The following LPIN2 variants were observed in gnomAD, a reference collection of about 807,000 sequenced individuals.
LPIN2 encodes the protein phosphatidate phosphatase LPIN2.
In LPIN2, 55 loss-of-function variants were observed where a neutral mutation model predicts 111.4. The ratio of observed to expected loss-of-function variants is 0.49; its 90% CI spans 0.40 to 0.62. The LOEUF is 0.62. Ranked by LOEUF, LPIN2 falls within the 20% of genes least tolerant of loss-of-function variation. LPIN2 has a pLI of 0.00. For missense variants in LPIN2, 992 were observed against 1,112.1 expected (o/e 0.89, Z 1.54); for synonymous variants, 425 against 414.0 (o/e 1.03, Z -0.32).
intron 2 of LPIN2, among the ~76,000 whole-genome samples, chr18:2,956,603 G>A (rs2077621095): frequency 6.6e-6 from 1 of 152,196 alleles, no homozygotes; most frequent in Non-Finnish European, 1.5e-5. Flanking sequence ...CAACTTGAAG[G>A]ACATACACTA....
At chr18:2,982,298 T>C (rs1272544631) in intron 1 of LPIN2, among the ~76,000 whole-genome samples, 1 of 152,184 alleles carries the variant, frequency 6.6e-6, no homozygotes, top group Non-Finnish European at 1.5e-5. Flanking sequence ...CACTTTTATA[T>C]GATTTTTACT....
intron 1 of LPIN2, among the ~76,000 whole-genome samples, chr18:2,974,299 C>T (rs922245794): frequency 6.6e-5 from 10 of 152,200 alleles, no homozygotes; most frequent in African/African-American, 1.7e-4. Flanking sequence ...AGGATGGTCT[C>T]GATCTCCTGA....
chr18:2,979,852 A>G (rs769458158), intron 1 of LPIN2, among the ~76,000 whole-genome samples: 1 of 152,112 alleles, frequency 6.6e-6, no homozygotes, highest in Admixed American at 6.6e-5. Context: ...GTCCCTCAAT[A>G]TATCCTCTTA....
At chr18:2,999,770 T>C (rs1734991579) in intron 1 of LPIN2, among the ~76,000 whole-genome samples, 1 of 152,046 alleles carries the variant, frequency 6.6e-6, no homozygotes, top group Admixed American at 6.6e-5. Context: ...CTAATAAAAA[T>C]AAACATCCAA....
At chr18:2,989,471 T>C (rs530166654) in intron 1 of LPIN2, among the ~76,000 whole-genome samples, 1 of 152,292 alleles carries the variant, frequency 6.6e-6, no homozygotes, top group South Asian at 2.1e-4. Context: ...GATGCCAATA[T>C]TACCTAAAGC....
At chr18:3,007,977 T>C (rs971536480) in intron 1 of LPIN2, among the ~76,000 whole-genome samples, 6 of 152,232 alleles carry the variant, frequency 3.9e-5, no homozygotes, top group Non-Finnish European at 7.3e-5. Context: ...TGTCATATCA[T>C]AATGCACTGA....
chr18:2,958,455 T>A (rs1046207467), intron 2 of LPIN2, among the ~76,000 whole-genome samples: 1 of 152,266 alleles, frequency 6.6e-6, no homozygotes, highest in South Asian at 2.1e-4. Flanking sequence ...TACTTTCACA[T>A]CAATGGCCAG....
intron 10 of LPIN2, 99 bp downstream of exon 10, chr18:2,928,966 G>T: frequency 2.4e-6 from 2 of 846,592 alleles, no homozygotes. Flanking sequence ...GAGATGACAA[G>T]TTTTATAAGA....
chr18:2,961,016 G>A (rs1216658296), intron 1 of LPIN2, among the ~76,000 whole-genome samples, 167 bp from the exon 2 acceptor site: 3 of 151,896 alleles, frequency 2.0e-5, no homozygotes, highest in Non-Finnish European at 2.9e-5. Context: ...TTGTTTCTAC[G>A]CATTTCCACA....
At chr18:2,995,251 T>C (rs923774437) in intron 1 of LPIN2, among the ~76,000 whole-genome samples, 1 of 152,204 alleles carries the variant, frequency 6.6e-6, no homozygotes, top group Admixed American at 6.5e-5. Context: ...ATTCTAGCCA[T>C]CAAGGAGCTA....
At chr18:2,924,314 G>A in intron 15 of LPIN2, 84 bp downstream of exon 15, 1 of 1,563,718 alleles carries the variant, frequency 6.4e-7, no homozygotes, top group Non-Finnish European at 8.8e-7. Flanking sequence ...CGAGCCCCAG[G>A]TGAGGAACTC....
intron 2 of LPIN2, among the ~76,000 whole-genome samples, chr18:2,956,355 C>G (rs1275180416): frequency 1.8e-5 from 2 of 108,350 alleles, no homozygotes; most frequent in Non-Finnish European, 3.8e-5. Flanking sequence ...TACACGTGCA[C>G]ACATCCACCC....
chr18:2,996,366 TTATAATGTCCA>T (rs1232118133), intron 1 of LPIN2, among the ~76,000 whole-genome samples: 2 of 152,048 alleles, frequency 1.3e-5, no homozygotes, highest in Non-Finnish European at 2.9e-5. Flanking sequence ...ATTGGTTCTT[TTATAATGTCCA>T]TCAATTACAT....
At chr18:3,011,626 G>A (rs935830129) in intron 1 of LPIN2, 20 of 152,276 alleles carry the variant, frequency 1.3e-4, no homozygotes, top group African/African-American at 4.8e-4. Flanking sequence ...GGCAGAGATT[G>A]CAGTGATCGG....
intron 1 of LPIN2, among the ~76,000 whole-genome samples, chr18:2,992,974 CAAAA>C (rs59159362): frequency 4.1e-5 from 4 of 97,354 alleles, no homozygotes; most frequent in African/African-American, 4.1e-5. Flanking sequence ...AGACCCGTCT[CAAAA>C]AAAAAAAAAA....
intron 1 of LPIN2, among the ~76,000 whole-genome samples, chr18:2,989,508 T>C (rs538658421): frequency 6.6e-6 from 1 of 152,184 alleles, no homozygotes; most frequent in South Asian, 2.1e-4. Flanking sequence ...GCAATCCCTA[T>C]CAAAATTCCA....
chr18:2,945,848 A>G (rs1185304701), intron 4 of LPIN2: 3 of 1,470,104 alleles, frequency 2.0e-6, no homozygotes, highest in Non-Finnish European at 2.9e-6. Context: ...GATGCCAGTC[A>G]TGTCTACATG....
intron 2 of LPIN2, among the ~76,000 whole-genome samples, chr18:2,958,420 AC>A (rs1266700733): frequency 6.6e-6 from 1 of 152,078 alleles, no homozygotes; most frequent in Non-Finnish European, 1.5e-5. Flanking sequence ...TCATAGGTAC[AC>A]CCGTATTTGA....
chr18:3,000,057 A>AGGAGGAGGAGGAG (rs1567863313), intron 1 of LPIN2, among the ~76,000 whole-genome samples: 1 of 145,532 alleles, frequency 6.9e-6, no homozygotes, highest in African/African-American at 2.6e-5. Flanking sequence ...AAAAAGAAGA[A>AGGAGGAGGAGGAG]GAGGAGGAGG....
Sources: gnomAD v4.1 joint callset for allele counts (sites outside exome capture counted in the v4.1 genomes callset) on GRCh38, gnomAD v4.1.1 for gene constraint, MANE v1.5 for transcripts, NCBI Gene and HGNC (gene_info 2026-07-23, HGNC 2026-07-21) for gene names.